Variants in TRIM66 observed in about 807,000 individuals in gnomAD.
TRIM66 encodes tripartite motif containing 66.
In TRIM66, 99 loss-of-function variants were observed where a neutral mutation model predicts 148.2. The ratio of observed to expected loss-of-function variants is 0.67; its 90% CI spans 0.57 to 0.79. TRIM66 has a LOEUF of 0.79. TRIM66 is among the 30% of genes least tolerant of loss of function. The pLI is 0.00. For synonymous variants in TRIM66, 616 were observed against 635.9 expected (o/e 0.97, Z 0.47); for missense variants, 1,666 against 1,697.9 (o/e 0.98, Z 0.33).
At position 8,615,720 on chromosome 11, in the gene TRIM66, C is replaced by G. The variant is rs577872496; in HGVS notation, c.*2224G>C. On this transcript the variant is annotated 3_prime_UTR_variant, in exon 25 of 25. Coordinates refer to ENST00000646038, the MANE Select transcript of TRIM66 (RefSeq NM_001388022.1). ...TGTCTCTCTAGCACATTACTAAGAC[C>G]CCCTCTGGCCCAGCAAGCTGATCCG... The G allele has an allele frequency of 7.9e-5, 12 of 152,208 alleles. No individual in the cohort carries two copies. In the East Asian group the frequency reaches 1.9e-3, roughly 24 times the overall value. The allele number at this position is 152,208 out of a possible 1,614,324, so 9.4% of individuals were successfully genotyped here.
chr11:8,619,934 A>G, intron 22 of TRIM66, 116 bp downstream of exon 22: 2 of 1,015,650 alleles, frequency 2.0e-6, no homozygotes, highest in South Asian at 1.6e-5. Flanking sequence ...CACAAAATTC[A>G]ATAACTCAGA....
intron 10 of TRIM66, 54 bp downstream of exon 10, chr11:8,647,915 TG>T: frequency 7.2e-7 from 1 of 1,392,274 alleles, no homozygotes; most frequent in Non-Finnish European, 1.0e-6. Flanking sequence ...GTTGGAACCC[TG>T]GGTGTGCGGG....
rs1028360915 is a variant in TRIM66 at position 8,675,946 on chromosome 11, C to T, written c.-189-1063G>A. Among the ~76,000 whole-genome samples the T allele has an allele frequency of 3.3e-5, 5 of 152,068 alleles. No homozygotes were observed. The South Asian group carries it at 1.0e-3, about 32-fold the overall frequency. Reference sequence around the variant, plus strand: ...TAGAGACGGGGTTTCACCATGTTGGCCAGGATGGTCTCAATCTCCAGACCT... The same window carrying T: ...TAGAGACGGGGTTTCACCATGTTGGTCAGGATGGTCTCAATCTCCAGACCT... On this transcript the variant is annotated intron_variant, in intron 3 of 24. Transcript: ENST00000646038.
chr11:8,642,865 AAAAG>A (rs1270846921), intron 13 of TRIM66, 140 bp downstream of exon 13: 79 of 409,366 alleles, frequency 1.9e-4, no homozygotes, highest in African/African-American at 1.5e-3. Context: ...AAAAAAAAAA[AAAAG>A]GTTTGCTGAA....
At chr11:8,672,524 G>T in intron 4 of TRIM66, 139 bp from the exon 5 acceptor site, 1 of 932,892 alleles carries the variant, frequency 1.1e-6, no homozygotes, top group Non-Finnish European at 1.5e-6. Flanking sequence ...TGAGGAAACA[G>T]TGTTAGAGAG....
At chr11:8,659,862 G>T (rs2038125984) in intron 6 of TRIM66, among the ~76,000 whole-genome samples, 1 of 151,906 alleles carries the variant, frequency 6.6e-6, no homozygotes, top group African/African-American at 2.4e-5. Context: ...AACTGAATTT[G>T]TTTTTTTCTT....
intron 15 of TRIM66, among the ~76,000 whole-genome samples, chr11:8,634,322 C>T (rs1025848918): frequency 6.6e-6 from 1 of 152,208 alleles, no homozygotes; most frequent in South Asian, 2.1e-4. Flanking sequence ...TGCACCACCA[C>T]GCCTGGCTAA....
rs575379784 is a variant in TRIM66 at position 8,641,048 on chromosome 11, C to A, written c.1327G>T (p.Ala443Ser). 6.4e-7 allele frequency: 1 copy of A among 1,551,672 alleles called. No individual in the cohort carries two copies. Among genetic ancestry groups the A allele is most frequent in the East Asian group, 2.4e-5 (1 of 40,926 alleles). Reference protein sequence around the residue: ...PFYQSHQSPVAQQEALSHPSH... With the variant: ...PFYQSHQSPVSQQEALSHPSH... ...GGGTGGCTAAGAGCCTCTTGCTGAG[C>A]CACTGGAGACTGGTGGCTTTGATAA... The change falls in exon 14 of 25, where the codon GCT (alanine) becomes TCT (serine). Residue 443 changes from alanine (A) to serine (S), a missense_variant. Transcript: ENST00000646038.
Position 8,618,901 on chromosome 11 carries a change from A to T in TRIM66, c.3968T>A (p.Ile1323Asn). ...EVFFEGWLKEIYPEKRFAQPR... is the reference protein window; with the variant it reads ...EVFFEGWLKENYPEKRFAQPR... ...CTGGGCAAACCGTTTCTCCGGGTAGATCTCCTTCAACCAGCCCTCAAAGAA... is the reference window on the plus strand; with the variant it reads ...CTGGGCAAACCGTTTCTCCGGGTAGTTCTCCTTCAACCAGCCCTCAAAGAA... The change falls in exon 24 of 25, where the codon ATC becomes AAC. Residue 1323 changes from isoleucine (I) to asparagine (N), a missense_variant. Physicochemically the swap from Ile to Asn is moderately radical, Grantham distance 149 (BLOSUM62 -3). This residue lies in a region of TRIM66 where 204 missense variants were observed against 231.0 expected (regional missense o/e 0.88). Coordinates refer to ENST00000646038, the MANE Select transcript of TRIM66 (RefSeq NM_001388022.1). The T allele has an allele frequency of 6.4e-7, 1 of 1,551,280 alleles. No homozygotes were observed. The highest frequency in any genetic ancestry group is 8.7e-7 in the Non-Finnish European group (1 of 1,146,954).
intron 7 of TRIM66, among the ~76,000 whole-genome samples, chr11:8,650,616 C>T (rs1250727152): frequency 6.6e-6 from 1 of 152,088 alleles, no homozygotes. Context: ...CTCATGCTAT[C>T]CACAGCACAC....
rs1172832089 is a variant in TRIM66, at chr11:8,612,105, A to T, written c.*5839T>A. The T allele has an allele frequency of 1.3e-5, 2 of 152,122 alleles. No homozygotes were observed. The highest frequency in any genetic ancestry group is 6.5e-5 in the Admixed American group (1 of 15,270). 9.4% of individuals were successfully genotyped at this position (152,122 alleles called of 1,614,324 possible). ...TATAGGTTCTTTTAAAATCAGCTAT[A>T]CTTCCCTTTAAAATATCCTCCCTCA... On this transcript the variant is annotated 3_prime_UTR_variant, in exon 25 of 25. Transcript: ENST00000646038.
intron 17 of TRIM66, 73 bp downstream of exon 17, chr11:8,624,286 T>G: frequency 6.7e-7 from 1 of 1,490,074 alleles, no homozygotes; most frequent in African/African-American, 1.4e-5. Flanking sequence ...TGCTGGCCTC[T>G]CTTACCTAGA....
In TRIM66 at chr11:8,620,468, C is replaced by T. The variant is rs1260227490; in HGVS notation, c.3650G>A (p.Gly1217Asp). The change falls in exon 21 of 25, where the codon GGC (glycine) becomes GAC (aspartate). Residue 1217 changes from glycine to aspartate, a missense_variant. Physicochemically the swap from Gly to Asp is moderately conservative, Grantham distance 94. Transcript: ENST00000646038. ...TACCTTCTGGTCATACATGCTTAGG[C>T]CAGGAGATGCCCGCATTCCAGGCTG... ...YNQPGMRASP[G>D]LSMYDQKKCE... is the part of the protein sequence containing the mutation. 8 of 1,551,634 alleles carry T rather than the reference C, an allele frequency of 5.2e-6. No individual in the cohort carries two copies. The highest frequency in any genetic ancestry group is 5.2e-6 in the Non-Finnish European group (6 of 1,147,010).
chr11:8,645,708 G>T (rs1329597215), intron 12 of TRIM66, 33 bp downstream of exon 12: 1 of 1,550,898 alleles, frequency 6.4e-7, no homozygotes, highest in Non-Finnish European at 8.7e-7. Flanking sequence ...TAAGCTTCAA[G>T]GACAGGCTGA....
At chr11:8,630,959 C>T (rs533928707) in intron 15 of TRIM66, among the ~76,000 whole-genome samples, 5 of 152,278 alleles carry the variant, frequency 3.3e-5, no homozygotes, top group African/African-American at 1.2e-4. Flanking sequence ...CTGTCACCTG[C>T]TGCCCTCTCT....
At chr11:8,622,415 T>C (rs867404929) in intron 18 of TRIM66, among the ~76,000 whole-genome samples, 6 of 141,008 alleles carry the variant, frequency 4.3e-5, no homozygotes, top group Middle Eastern at 3.6e-3. Context: ...TAGAGAACCC[T>C]GACTAATACA....
intron 6 of TRIM66, among the ~76,000 whole-genome samples, chr11:8,652,269 C>A (rs527744996): frequency 1.3e-5 from 2 of 152,154 alleles, no homozygotes; most frequent in Non-Finnish European, 2.9e-5. Context: ...GCTCCCATCA[C>A]TAGCCAAGAT....
chr11:8,641,024 G>C lies in TRIM66; in HGVS notation c.1351C>G (p.Pro451Ala). The change falls in exon 14 of 25, where the codon CCC (proline) becomes GCC (alanine). Residue 451 changes from proline to alanine, a missense_variant. Pro to Ala is a conservative substitution (Grantham distance 27). Around this residue, in one of 3 missense-constraint regions of TRIM66, gnomAD observed 1,431 missense variants for 1,412.4 expected, o/e 1.01. Coordinates refer to ENST00000646038, the MANE Select transcript of TRIM66 (RefSeq NM_001388022.1). The part of the protein sequence containing the change: ...PVAQQEALSH[P>A]SHKFQSPAVC... ...GCTGGAGACTGGAACTTGTGTGAGGGGTGGCTAAGAGCCTCTTGCTGAGCC... is the reference window on the plus strand; with the variant it reads ...GCTGGAGACTGGAACTTGTGTGAGGCGTGGCTAAGAGCCTCTTGCTGAGCC... The C allele has an allele frequency of 1.9e-6, 3 of 1,551,642 alleles. No homozygotes were observed. The highest frequency in any genetic ancestry group is 2.6e-6 in the Non-Finnish European group (3 of 1,146,996).
chr11:8,617,672 T>A lies in TRIM66; in HGVS notation c.*272A>T, dbSNP rs150017121. 60 of 430,942 alleles carry A rather than the reference T, an allele frequency of 1.4e-4. No individual in the cohort carries two copies. In the East Asian group the frequency reaches 2.1e-3, roughly 15 times the overall value. The allele number at this position is 430,942 out of a possible 1,614,324, so 26.7% of individuals were successfully genotyped here. A position where few individuals can be genotyped will look rare whatever the true frequency, so the allele number is the denominator to read the frequency against. ...GTAGGTTTTCCCGAGCCTAACCAGG[T>A]GTGGTCTTGTCAAGTGGAGCCTATA... On this transcript the variant is annotated 3_prime_UTR_variant, in exon 25 of 25. Transcript: ENST00000646038.
Sources: gnomAD v4.1 joint callset for allele counts (sites outside exome capture counted in the v4.1 genomes callset) on GRCh38, gnomAD v4.1.1 for gene constraint, gnomAD v4.1.1 regional missense constraint, MANE v1.5 for transcripts, NCBI Gene and HGNC (gene_info 2026-07-23, HGNC 2026-07-21) for gene names.